RAD18: variants seen among roughly 807,000 people sequenced by gnomAD.
The protein encoded by RAD18 is E3 ubiquitin-protein ligase RAD18.
In RAD18, 47 loss-of-function variants were observed where a neutral mutation model predicts 60.4. The ratio of observed to expected loss-of-function variants is 0.78; its 90% confidence interval spans 0.62 to 0.99. The LOEUF (loss-of-function observed/expected upper bound fraction) is 0.99, where lower values mean the gene tolerates loss of function less well. RAD18 is among the 50% of genes least tolerant of loss of function. The probability of loss-of-function intolerance (pLI) is 0.00; values close to 1 mark genes in which losing one functional copy is unlikely to be tolerated. For missense variants in RAD18, 640 were observed against 593.3 expected (o/e 1.08, Z -0.82); for synonymous variants, 225 against 195.5 (o/e 1.15, Z -1.26).
chr3:8,950,463 T>G (rs575793138), intron 2 of RAD18, among the ~76,000 whole-genome samples: 2 of 152,282 alleles, frequency 1.3e-5, no homozygotes, highest in African/African-American at 4.8e-5. Context: ...CCTCTAGCCA[T>G]CCTGTCCCAT....
chr3:8,914,105 G>A lies in RAD18; in HGVS notation c.890-385C>T, dbSNP rs183063873. On this transcript the variant is annotated intron_variant, in intron 7 of 12. Coordinates refer to ENST00000264926, the MANE Select transcript of RAD18 (RefSeq NM_020165.4). The stretch of plus-strand genomic sequence containing the variant: ...CCAATGTACTAAATGCAGTACAACA[G>A]GCTACTGTTCAAGGAGAGAAAAAGG... 1.2e-3 allele frequency among the ~76,000 whole-genome samples: 185 copies of A among 152,282 alleles called. 4 individuals are homozygous for A. The highest frequency in any genetic ancestry group is 0.011 in the Admixed American group (167 of 15,296).
Position 8,963,440 on chromosome 3 carries a change from C to T in RAD18, c.-55G>A. ...CACCCACTAGCCTCCGGCGCTCCAACACCACTCGAAATTCCCCGCGCTACC... is the reference window on the plus strand; with the variant it reads ...CACCCACTAGCCTCCGGCGCTCCAATACCACTCGAAATTCCCCGCGCTACC... On this transcript the variant is annotated 5_prime_UTR_variant, in exon 1 of 13. Coordinates refer to ENST00000264926, the MANE Select transcript of RAD18 (RefSeq NM_020165.4). The T allele has an allele frequency of 1.3e-6, 2 of 1,482,818 alleles. No homozygotes were observed. The highest frequency in any genetic ancestry group is 2.0e-5 in the Admixed American group (1 of 50,334). 91.9% of individuals were successfully genotyped at this position (1,482,818 alleles called of 1,614,324 possible).
intron 12 of RAD18, among the ~76,000 whole-genome samples, chr3:8,884,130 G>A (rs1939518201): frequency 6.6e-6 from 1 of 152,222 alleles, no homozygotes; most frequent in Non-Finnish European, 1.5e-5. Flanking sequence ...CTGTCAGCCT[G>A]CTGGTCCTCA....
At chr3:8,932,093 C>T (rs528708777) in intron 7 of RAD18, among the ~76,000 whole-genome samples, 1 of 152,002 alleles carries the variant, frequency 6.6e-6, no homozygotes, top group Non-Finnish European at 1.5e-5. Flanking sequence ...TTAGGATAAG[C>T]AAATATTTTG....
At chr3:8,910,469 A>G (rs7621801) in intron 9 of RAD18, among the ~76,000 whole-genome samples, 5,217 of 152,092 alleles carry the variant, frequency 0.034, 301 homozygotes, top group African/African-American at 0.12. Context: ...GCGTGGTGGC[A>G]GGCGCCTGTA....
At chr3:8,927,502 C>G (rs1315337058) in intron 7 of RAD18, among the ~76,000 whole-genome samples, 1 of 152,210 alleles carries the variant, frequency 6.6e-6, no homozygotes, top group Non-Finnish European at 1.5e-5. Flanking sequence ...GTCAGTGTGG[C>G]AATTCCTCAG....
At chr3:8,926,882 T>TCCATATA (rs1940448827) in intron 7 of RAD18, among the ~76,000 whole-genome samples, 1 of 152,116 alleles carries the variant, frequency 6.6e-6, no homozygotes, top group Non-Finnish European at 1.5e-5. Context: ...CTGGATCCCT[T>TCCATATA]CCTTATACCT....
At chr3:8,890,663 G>A (rs748296230) in intron 11 of RAD18, among the ~76,000 whole-genome samples, 4 of 152,116 alleles carry the variant, frequency 2.6e-5, no homozygotes, top group South Asian at 4.1e-4. Context: ...GGCCAAAGGC[G>A]CTGAAAAACA....
intron 9 of RAD18, among the ~76,000 whole-genome samples, chr3:8,904,946 C>T (rs1186414010): frequency 1.3e-5 from 2 of 152,154 alleles, no homozygotes; most frequent in African/African-American, 4.8e-5. Context: ...ATCTAATTAC[C>T]CCACAGCTAG....
At chr3:8,895,535 C>G (rs1026621373) in intron 11 of RAD18, among the ~76,000 whole-genome samples, 8 of 152,164 alleles carry the variant, frequency 5.3e-5, no homozygotes, top group Non-Finnish European at 1.5e-5. Context: ...TCCTTACTGT[C>G]TACACCACCA....
At chr3:8,962,363 T>C (rs1170838391) in intron 1 of RAD18, among the ~76,000 whole-genome samples, 1 of 152,190 alleles carries the variant, frequency 6.6e-6, no homozygotes, top group East Asian at 1.9e-4. Context: ...CATTTCACAA[T>C]GTCAGCTTCT....
At chr3:8,897,483 T>C (rs1161756611) in intron 11 of RAD18, among the ~76,000 whole-genome samples, 1 of 152,122 alleles carries the variant, frequency 6.6e-6, no homozygotes. Context: ...CAAGGCCAAA[T>C]CTATGTAATA....
intron 8 of RAD18, 90 bp downstream of exon 8, chr3:8,913,554 A>G: frequency 1.1e-6 from 1 of 943,236 alleles, no homozygotes. Context: ...TTAGTAAATG[A>G]ATAAATTTAA....
In RAD18 at chr3:8,877,750, G is replaced by C. The variant is rs1289871220; in HGVS notation, c.*3607C>G. 6.6e-6 allele frequency: 1 copy of C among 151,850 alleles called. No individual in the cohort carries two copies. Among genetic ancestry groups the C allele is most frequent in the Non-Finnish European group, 1.5e-5 (1 of 68,024 alleles). 9.4% of individuals were successfully genotyped at this position (151,850 alleles called of 1,614,324 possible). A position where few individuals can be genotyped will look rare whatever the true frequency, so the allele number is the denominator to read the frequency against. ...ACTGTCTTTGTTTTGCACATTACTT[G>C]ACATATAGTCCTAATAGTTGAAGGA... On this transcript the variant is annotated 3_prime_UTR_variant, in exon 13 of 13. Coordinates refer to ENST00000264926, the MANE Select transcript of RAD18 (RefSeq NM_020165.4).
At chr3:8,938,482 C>G (rs1940690314) in intron 6 of RAD18, among the ~76,000 whole-genome samples, 1 of 152,124 alleles carries the variant, frequency 6.6e-6, no homozygotes, top group Admixed American at 6.6e-5. Context: ...AACATAGAAG[C>G]AAATCATTCT....
At chr3:8,927,711 C>G (rs1458702413) in intron 7 of RAD18, among the ~76,000 whole-genome samples, 1 of 152,078 alleles carries the variant, frequency 6.6e-6, no homozygotes, top group Non-Finnish European at 1.5e-5. Flanking sequence ...ACGTATATAC[C>G]ATGGAATACT....
intron 7 of RAD18, among the ~76,000 whole-genome samples, chr3:8,920,084 C>G (rs1177680548): frequency 6.6e-6 from 1 of 152,138 alleles, no homozygotes; most frequent in Non-Finnish European, 1.5e-5. Context: ...AGATTGAGAC[C>G]TTCCTGGCTA....
At chr3:8,925,390 A>C (rs1027249423) in intron 7 of RAD18, among the ~76,000 whole-genome samples, 2 of 152,230 alleles carry the variant, frequency 1.3e-5, no homozygotes, top group African/African-American at 4.8e-5. Context: ...ATAAACCAAT[A>C]ACAGGCTCTG....
chr3:8,941,585 C>A lies in RAD18; in HGVS notation c.486G>T (p.Glu162Asp). ...CTTTGGTCTTTGCAGCAGGGCTCGC[C>A]TCTTTTTGAGGGCTGAATTTGCTTT... ...ENKSKFSPQK[E>D]ASPAAKTKET... Residue 162 changes from glutamate to aspartate, a missense_variant, in exon 5 of 13, where the codon GAG becomes GAT. Glu to Asp is a conservative substitution (Grantham distance 45, BLOSUM62 2). Coordinates refer to ENST00000264926, the MANE Select transcript of RAD18 (RefSeq NM_020165.4). 6.2e-7 allele frequency: 1 copy of A among 1,614,174 alleles called. No homozygotes were observed. Among genetic ancestry groups the A allele is most frequent in the Middle Eastern group, 1.6e-4 (1 of 6,062 alleles).
Sources: allele counts gnomAD v4.1 joint callset (sites outside exome capture counted in the v4.1 genomes callset), GRCh38; gene constraint gnomAD v4.1.1; transcripts MANE v1.5; gene names NCBI Gene and HGNC (gene_info 2026-07-23, HGNC 2026-07-21).